Variants in RAD21 observed in about 807,000 individuals in gnomAD.
The protein encoded by RAD21 is RAD21 cohesin complex component.
Under a neutral mutation model 71.5 loss-of-function variants are expected in RAD21, and 18 were observed. The ratio of observed to expected loss-of-function variants is 0.25; its 90% CI spans 0.17 to 0.37. The LOEUF is 0.37. Among genes scored for constraint, RAD21 ranks in the 10% least tolerant of loss-of-function variants. RAD21 has a pLI of 1.00. For synonymous variants in RAD21, 248 were observed against 254.0 expected (o/e 0.98, Z 0.22); for missense variants, 493 against 769.1 (o/e 0.64, Z 4.25).
chr8:116,871,362 T>C (rs1187273776), intron 1 of RAD21, among the ~76,000 whole-genome samples: 1 of 152,218 alleles, frequency 6.6e-6, no homozygotes, highest in Non-Finnish European at 1.5e-5. Context: ...AAGCAGTTTT[T>C]TTCAATTGAC....
intron 2 of RAD21, among the ~76,000 whole-genome samples, chr8:116,865,617 T>C (rs1014517384): frequency 1.3e-4 from 20 of 152,256 alleles, no homozygotes; most frequent in African/African-American, 4.6e-4. Flanking sequence ...TGAACAAACA[T>C]TTAACAAGAA....
intron 3 of RAD21, 86 bp downstream of exon 3, chr8:116,863,044 A>C (rs563699189): frequency 2.1e-6 from 3 of 1,448,732 alleles, no homozygotes; most frequent in South Asian, 2.8e-5. Flanking sequence ...TAGATTTAGA[A>C]AATGTGTTTA....
chr8:116,866,607 C>T lies in RAD21; in HGVS notation c.123G>A (p.Val41=), dbSNP rs763594404. The change falls in exon 2 of 14, where the codon GTG becomes GTA. Residue 41 remains valine, a synonymous_variant. Transcript: ENST00000297338. Reference sequence around the variant, plus strand: ...ATACCTTTGGTGAGATGATACTCTCCACGCTGCTCTCTAAATTACACTCGA... The same window carrying T: ...ATACCTTTGGTGAGATGATACTCTCTACGCTGCTCTCTAAATTACACTCGA... ...HVFECNLESS[V]ESIISPKVKM... 1 of 1,611,770 alleles carries T rather than the reference C, an allele frequency of 6.2e-7. No homozygotes were observed. The highest frequency in any genetic ancestry group is 1.1e-5 in the South Asian group (1 of 90,610).
At chr8:116,854,183 G>T (rs1007740879) in intron 9 of RAD21, 62 bp downstream of exon 9, 1 of 1,333,124 alleles carries the variant, frequency 7.5e-7, no homozygotes, top group African/African-American at 1.5e-5. Context: ...AAAGGTTTTA[G>T]AATCTTTTTT....
intron 2 of RAD21, among the ~76,000 whole-genome samples, chr8:116,865,911 A>G (rs1812680733): frequency 6.6e-6 from 1 of 152,180 alleles, no homozygotes; most frequent in Non-Finnish European, 1.5e-5. Flanking sequence ...TCGGTGTTTC[A>G]TTTATTAAAA....
At chr8:116,866,827 G>C (rs559491794) in intron 1 of RAD21, 66 bp from the exon 2 acceptor site, 487 of 1,138,098 alleles carry the variant, frequency 4.3e-4, no homozygotes, top group Non-Finnish European at 5.4e-4. Flanking sequence ...CAAGACATAA[G>C]AAATTTAAAA....
At position 116,858,295 on chromosome 8, in the gene RAD21, T is replaced by C; in HGVS notation, c.481+57A>G. On this transcript the variant is annotated intron_variant, in intron 5 of 13. Coordinates refer to ENST00000297338, the MANE Select transcript of RAD21 (RefSeq NM_006265.3). The stretch of plus-strand genomic sequence containing the variant: ...TAGTCTGGTTTTCTTTTGAAATTGC[T>C]ATTAGCAACACAATATAACATTATA... The C allele has an allele frequency of 5.4e-6, 7 of 1,303,696 alleles. No individual in the cohort carries two copies. The East Asian group carries it at 1.4e-4, about 26-fold the overall frequency. The allele number at this position is 1,303,696 out of a possible 1,614,324, so 80.8% of individuals were successfully genotyped here.
At chr8:116,854,506 A>C (rs1812422075) in intron 8 of RAD21, 38 bp from the exon 9 acceptor site, 3 of 1,503,398 alleles carry the variant, frequency 2.0e-6, no homozygotes, top group Non-Finnish European at 2.8e-6. Flanking sequence ...TTTTCCTGAG[A>C]GGCCAGCATG....
At position 116,847,679 on chromosome 8, in the gene RAD21, T is replaced by C. The variant is rs752023237; in HGVS notation, c.1717A>G (p.Lys573Glu). The change falls in exon 14 of 14, where the codon AAA (lysine) becomes GAA (glutamate). Residue 573 changes from lysine (K) to glutamate (E), a missense_variant. Around this residue, in one of 5 missense-constraint regions of RAD21, gnomAD observed 225 missense variants for 218.3 expected, o/e 1.03. Coordinates refer to ENST00000297338, the MANE Select transcript of RAD21 (RefSeq NM_006265.3). ...MLHGLQRALA[K>E]TGAESISLLE... ...AAACTGATAGATTCAGCTCCAGTTTTAGCAAGAGCACGCTGAAATAAAACC... is the reference window on the plus strand; with the variant it reads ...AAACTGATAGATTCAGCTCCAGTTTCAGCAAGAGCACGCTGAAATAAAACC... 3.1e-6 allele frequency: 5 copies of C among 1,612,686 alleles called. No individual in the cohort carries two copies. The highest frequency in any genetic ancestry group is 3.4e-6 in the Non-Finnish European group (4 of 1,179,464).
chr8:116,850,817 CTTATT>C (rs751968730), intron 11 of RAD21, 50 bp from the exon 12 acceptor site: 2 of 1,292,974 alleles, frequency 1.5e-6, no homozygotes, highest in East Asian at 2.3e-5. Context: ...TTTAAAGTAG[CTTATT>C]TTAAATATGA....
intron 3 of RAD21, among the ~76,000 whole-genome samples, chr8:116,862,411 A>G (rs1293411520): frequency 6.6e-6 from 1 of 152,080 alleles, no homozygotes. Context: ...AAATGTGCTT[A>G]TTGGTCACAT....
intron 5 of RAD21, among the ~76,000 whole-genome samples, chr8:116,857,794 C>A (rs917506539): frequency 8.2e-6 from 1 of 122,692 alleles, no homozygotes; most frequent in African/African-American, 2.7e-5. Flanking sequence ...GAAACTTTCC[C>A]GTTATAATGT....
At chr8:116,850,479 T>C in intron 12 of RAD21, 139 bp downstream of exon 12, 2 of 1,351,690 alleles carry the variant, frequency 1.5e-6, no homozygotes, top group Non-Finnish European at 2.0e-6. Context: ...CCACGAAGAA[T>C]ATGGTAAAAT....
Position 116,874,755 on chromosome 8 carries a change from G to A in RAD21, c.-177C>T, listed in dbSNP as rs1461802670. 1 of 455,986 alleles carries A rather than the reference G, an allele frequency of 2.2e-6. No individual in the cohort carries two copies. Among genetic ancestry groups the A allele is most frequent in the East Asian group, 7.0e-5 (1 of 14,362 alleles). 28.2% of individuals were successfully genotyped at this position (455,986 alleles called of 1,614,324 possible). On this transcript the variant is annotated 5_prime_UTR_variant, in exon 1 of 14. Coordinates refer to ENST00000297338, the MANE Select transcript of RAD21 (RefSeq NM_006265.3). ...CCGCCACAGCCGGCGCCTCCTTTCC[G>A]ATTCACTCAAACAAACAAGATGGCT...
Position 116,854,479 on chromosome 8 carries a change from A to G in RAD21, c.938-11T>C, listed in dbSNP as rs200333487. ...CTTTTGTTTCTTTAACTGGAATGAT[A>G]ATAAAAAATAAGATCATTTTCCTGA... On this transcript the variant is annotated splice_polypyrimidine_tract_variant and intron_variant, in intron 8 of 13. Coordinates refer to ENST00000297338, the MANE Select transcript of RAD21 (RefSeq NM_006265.3). 8,452 of 1,595,000 alleles carry G rather than the reference A, an allele frequency of 5.3e-3. 34 individuals are homozygous for G. The highest frequency in any genetic ancestry group is 6.7e-3 in the Non-Finnish European group (7,774 of 1,163,396).
At chr8:116,870,152 A>C (rs1812782051) in intron 1 of RAD21, among the ~76,000 whole-genome samples, 1 of 152,172 alleles carries the variant, frequency 6.6e-6, no homozygotes. Flanking sequence ...TACTAAAAAA[A>C]CTTTTCCTCA....
At chr8:116,849,933 C>T (rs1418761274) in intron 12 of RAD21, among the ~76,000 whole-genome samples, 2 of 151,954 alleles carry the variant, frequency 1.3e-5, no homozygotes, top group East Asian at 1.9e-4. Flanking sequence ...CTAAAGGACA[C>T]CTTATTTTAA....
chr8:116,870,065 A>C (rs1048821086), intron 1 of RAD21, among the ~76,000 whole-genome samples: 4 of 152,134 alleles, frequency 2.6e-5, no homozygotes, highest in African/African-American at 9.7e-5. Flanking sequence ...CTTTATCTCC[A>C]TTTCCATCAC....
At chr8:116,872,597 C>T (rs1812850677) in intron 1 of RAD21, among the ~76,000 whole-genome samples, 1 of 151,934 alleles carries the variant, frequency 6.6e-6, no homozygotes, top group African/African-American at 2.4e-5. Flanking sequence ...ATGTACACCA[C>T]CTATTCAAAG....
Sources: allele counts gnomAD v4.1 joint callset (sites outside exome capture counted in the v4.1 genomes callset), GRCh38; gene constraint gnomAD v4.1.1; regional missense constraint gnomAD v4.1.1; transcripts MANE v1.5; gene names NCBI Gene and HGNC (gene_info 2026-07-23, HGNC 2026-07-21).